The following FGF22 variants were observed in gnomAD, a reference collection of about 807,000 sequenced individuals.
The protein encoded by FGF22 is FGF-22.
In FGF22, 11 loss-of-function variants were observed where a neutral mutation model predicts 10.3. The observed-to-expected ratio is 1.07, with a 90% CI of 0.67 to 1.77. FGF22 has a LOEUF of 1.77. Ranked by LOEUF, FGF22 falls within the 40% of genes most tolerant of loss-of-function variation. FGF22 has a pLI of 0.00. For missense variants in FGF22, 317 were observed against 273.2 expected, an observed-to-expected ratio of 1.16 and a Z score of -1.13; for synonymous variants, 136 against 122.1, an observed-to-expected ratio of 1.11 and a Z score of -0.75.
intron 1 of FGF22, chr19:641,434 G>A (rs1425401164): frequency 8.3e-6 from 3 of 360,586 alleles, no homozygotes; most frequent in Admixed American, 6.8e-5. Flanking sequence ...AATTAGCCGG[G>A]TGTGGTGGCG....
exon 3 of FGF22, chr19:643,559 G>C: frequency 6.3e-7 from 1 of 1,584,430 alleles, no homozygotes; most frequent in Non-Finnish European, 8.6e-7. Context: ...GCCGGACGCG[G>C]CGGTACCACC....
At chr19:642,115 C>T (rs944813284) in intron 1 of FGF22, among the ~76,000 whole-genome samples, 10 of 152,202 alleles carry the variant, frequency 6.6e-5, no homozygotes, top group African/African-American at 9.6e-5. Context: ...CATAAACCAC[C>T]GGTGTCCCAC....
rs1295607689 is a variant in FGF22, at chr19:640,141, T to G, written c.214+2T>G. ...CCCGCTGGCGCCACGGCCAGGACAG[T>G]GAGTGCGGGGCGGCGGGGGCCTGGG... On this transcript the variant is annotated splice_donor_variant, in intron 1 of 2. Coordinates refer to ENST00000215530, the Ensembl canonical transcript of FGF22. LOFTEE classifies it high-confidence loss of function. The G allele has an allele frequency of 2.3e-6, 3 of 1,309,286 alleles. No homozygotes were observed. The highest frequency in any genetic ancestry group is 2.9e-6 in the Non-Finnish European group (3 of 1,031,594). 81.1% of individuals were successfully genotyped at this position (1,309,286 alleles called of 1,614,324 possible).
At chr19:641,510 G>C (rs1985900163) in intron 1 of FGF22, 1 of 309,492 alleles carries the variant, frequency 3.2e-6, no homozygotes, top group Non-Finnish European at 6.5e-6. Context: ...GGGAGGTGGA[G>C]CTTGCAGTGA....
In FGF22 at chr19:640,148, G is replaced by C. The variant is rs1985854269; in HGVS notation, c.214+9G>C. 7.7e-7 allele frequency: 1 copy of C among 1,293,234 alleles called. No individual in the cohort carries two copies. The highest frequency in any genetic ancestry group is 1.5e-5 in the African/African-American group (1 of 64,574). The allele number at this position is 1,293,234 out of a possible 1,614,324, so 80.1% of individuals were successfully genotyped here. ...GCGCCACGGCCAGGACAGTGAGTGC[G>C]GGGCGGCGGGGGCCTGGGGTGGGGA... On this transcript the variant is annotated intron_variant, in intron 1 of 2. Coordinates refer to ENST00000215530, the Ensembl canonical transcript of FGF22.
chr19:640,486 T>C (rs1271526038), intron 1 of FGF22: 6 of 207,034 alleles, frequency 2.9e-5, no homozygotes, highest in Non-Finnish European at 2.9e-5. Flanking sequence ...ACCTCCGGAC[T>C]CCTGACATCA....
At chr19:643,811 G>A (rs995931563) in exon 3 of FGF22, 36 of 575,336 alleles carry the variant, frequency 6.3e-5, no homozygotes, top group East Asian at 5.0e-4. Context: ...TGGGGACCTC[G>A]AGGACCCAAC....
At chr19:639,888 C>A (rs1985840864) in exon 1 of FGF22, 6 of 1,180,186 alleles carry the variant, frequency 5.1e-6, no homozygotes, top group Non-Finnish European at 4.2e-6. Flanking sequence ...CGCGGACGCC[C>A]GGGAGCGACG....
At chr19:642,944 C>T (rs1301245096) in intron 1 of FGF22, among the ~76,000 whole-genome samples, 1 of 151,976 alleles carries the variant, frequency 6.6e-6, no homozygotes, top group Admixed American at 6.6e-5. Context: ...CTGACCTGGC[C>T]CTCCCACGGG....
intron 1 of FGF22, chr19:641,521 G>A: frequency 3.5e-6 from 1 of 282,818 alleles, no homozygotes; most frequent in Non-Finnish European, 7.2e-6. Context: ...CTTGCAGTGA[G>A]CTGAGATCGC....
intron 1 of FGF22, chr19:641,669 CAGGGG>C (rs1054882118): frequency 1.1e-5 from 2 of 188,196 alleles, no homozygotes. Context: ...GGCACCTTGC[CAGGGG>C]AGGGGAGGTG....
chr19:641,102 G>A (rs533698941), intron 1 of FGF22: 206 of 449,022 alleles, frequency 4.6e-4, no homozygotes, highest in Admixed American at 2.8e-3. Context: ...TGGGGGTGAG[G>A]GCTAGCTGAG....
chr19:640,227 G>C lies in FGF22; in HGVS notation c.214+88G>C, dbSNP rs868552463. 13 of 907,678 alleles carry C rather than the reference G, an allele frequency of 1.4e-5. No homozygotes were observed. The South Asian group carries it at 5.5e-4, about 38-fold the overall frequency. The allele number at this position is 907,678 out of a possible 1,614,324, so 56.2% of individuals were successfully genotyped here. ...GTCTTCACGGTGACCTGCGCCCGCGGGGGAGTCCCGGAGGCTCCTCTGTGC... is the reference window on the plus strand; with the variant it reads ...GTCTTCACGGTGACCTGCGCCCGCGCGGGAGTCCCGGAGGCTCCTCTGTGC... On this transcript the variant is annotated intron_variant, in intron 1 of 2. Transcript: ENST00000215530.
intron 1 of FGF22, 127 bp downstream of exon 1, chr19:640,266 G>A: frequency 1.8e-6 from 1 of 567,910 alleles, no homozygotes; most frequent in Non-Finnish European, 2.6e-6. Flanking sequence ...CTCGGCCTCA[G>A]TTTCCGTGGT....
chr19:641,351 C>T (rs946830114), intron 1 of FGF22: 2 of 441,976 alleles, frequency 4.5e-6, no homozygotes, highest in African/African-American at 4.0e-5. Flanking sequence ...CCGAGGCGGG[C>T]AGATCACGAG....
chr19:643,267 GT>G lies in FGF22; in HGVS notation c.248del (p.Val83AlafsTer15). The G allele has an allele frequency of 6.2e-7, 1 of 1,611,874 alleles. No individual in the cohort carries two copies. Among genetic ancestry groups the G allele is most frequent in the Non-Finnish European group, 8.5e-7 (1 of 1,179,510 alleles). ...GGAGATCCGCTCTGTACACGTGGGC[GT>G]CGTGGTCATCAAAGCAGTGTCCTCA... is the stretch of plus-strand genomic sequence containing the variant. On this transcript the variant is annotated frameshift_variant, in exon 2 of 3. Transcript: ENST00000215530. LOFTEE classifies it high-confidence loss of function.
chr19:643,769 G>C (rs1337294528), exon 3 of FGF22: 3 of 634,444 alleles, frequency 4.7e-6, no homozygotes, highest in Non-Finnish European at 8.0e-6. Flanking sequence ...GCCTGAGGGG[G>C]TGGTGGCCAC....
In FGF22 at chr19:643,492, G is replaced by A. The variant is rs139763814; in HGVS notation, c.401G>A (p.Arg134His). ...ACCTACGCCTCACAGCGCTGGCGCC[G>A]CCGCGGCCAGCCCATGTTCCTGGCG... Residue 134 changes from arginine (R) to histidine (H), a missense_variant, in exon 3 of 3, where the codon CGC (arginine) becomes CAC (histidine). Arg to His is a conservative substitution (Grantham distance 29). Coordinates refer to ENST00000215530, the Ensembl canonical transcript of FGF22. 920 of 1,610,708 alleles carry A rather than the reference G, an allele frequency of 5.7e-4. 2 individuals carry two copies. Among genetic ancestry groups the A allele is most frequent in the Non-Finnish European group, 6.8e-4 (800 of 1,179,178 alleles).
At chr19:643,044 T>G (rs929441378) in intron 1 of FGF22, among the ~76,000 whole-genome samples, 191 bp from the exon 2 acceptor site, 2 of 15,690 alleles carry the variant, frequency 1.3e-4, no homozygotes, top group Admixed American at 9.7e-4. Context: ...CCTCACATGC[T>G]GGGGGGGGCT....
Sources: gnomAD v4.1 joint callset for allele counts (sites outside exome capture counted in the v4.1 genomes callset) on GRCh38, gnomAD v4.1.1 for gene constraint, MANE v1.5 for transcripts, NCBI Gene and HGNC (gene_info 2026-07-23, HGNC 2026-07-21) for gene names.